SHISA6: variants seen among roughly 807,000 people sequenced by gnomAD.
SHISA6 encodes protein shisa-6.
A neutral mutation model predicts 47.9 loss-of-function variants in SHISA6; 22 were observed. The ratio of observed to expected loss-of-function variants is 0.46; its 90% CI spans 0.33 to 0.66. The LOEUF is 0.66. SHISA6 is among the 30% of genes least tolerant of loss of function. The probability of loss-of-function intolerance (pLI) is 0.02; values close to 1 mark genes in which losing one functional copy is unlikely to be tolerated. For synonymous variants in SHISA6, 388 were observed against 337.8 expected, an observed-to-expected ratio of 1.15 and a Z score of -1.63; for missense variants, 680 against 764.6, an observed-to-expected ratio of 0.89 and a Z score of 1.30.
At chr17:11,528,135 C>A (rs1440753196) in intron 3 of SHISA6, among the ~76,000 whole-genome samples, 1 of 152,040 alleles carries the variant, frequency 6.6e-6, no homozygotes, top group Admixed American at 6.6e-5. Context: ...TTTTTGGCTA[C>A]TCAATAGTAT....
chr17:11,523,230 A>G (rs2071645374), intron 3 of SHISA6, among the ~76,000 whole-genome samples: 1 of 152,204 alleles, frequency 6.6e-6, no homozygotes, highest in South Asian at 2.1e-4. Context: ...TCCTGCTCAA[A>G]AGAAATAAAA....
At chr17:11,331,112 ACT>A (rs1443729380) in intron 2 of SHISA6, among the ~76,000 whole-genome samples, 1 of 151,956 alleles carries the variant, frequency 6.6e-6, no homozygotes, top group East Asian at 1.9e-4. Flanking sequence ...CTGCGCAGTA[ACT>A]CTCCCAGGGT....
chr17:11,537,461 AATG>A (rs2071797184), intron 3 of SHISA6, among the ~76,000 whole-genome samples: 1 of 152,052 alleles, frequency 6.6e-6, no homozygotes, highest in African/African-American at 2.4e-5. Flanking sequence ...AATGAATTAG[AATG>A]ATAACTAATC....
intron 1 of SHISA6, among the ~76,000 whole-genome samples, chr17:11,244,598 T>C (rs975907617): frequency 2.6e-5 from 4 of 152,034 alleles, no homozygotes; most frequent in Non-Finnish European, 4.4e-5. Context: ...TTGTGTAGAC[T>C]GTCTTGTTGG....
At chr17:11,389,318 C>T (rs1215731756) in intron 3 of SHISA6, among the ~76,000 whole-genome samples, 1 of 152,138 alleles carries the variant, frequency 6.6e-6, no homozygotes, top group East Asian at 1.9e-4. Context: ...AGGAGGAGTG[C>T]CAGATAAACT....
intron 2 of SHISA6, among the ~76,000 whole-genome samples, chr17:11,360,330 C>T (rs907050775): frequency 1.2e-4 from 18 of 152,170 alleles, no homozygotes; most frequent in South Asian, 4.2e-4. Context: ...GAGGCTGAGG[C>T]GGGTGGATCA....
intron 3 of SHISA6, among the ~76,000 whole-genome samples, chr17:11,412,272 G>A (rs1873417586): frequency 6.6e-6 from 1 of 152,130 alleles, no homozygotes; most frequent in African/African-American, 2.4e-5. Context: ...TATAGTGAAA[G>A]TGAAGTACCT....
intron 2 of SHISA6, among the ~76,000 whole-genome samples, chr17:11,358,508 C>T (rs1042117192): frequency 6.6e-6 from 1 of 151,502 alleles, no homozygotes; most frequent in Non-Finnish European, 1.5e-5. Flanking sequence ...TACAGGCGCC[C>T]GCCACTATGC....
intron 3 of SHISA6, among the ~76,000 whole-genome samples, chr17:11,536,657 T>C (rs2071790825): frequency 6.6e-6 from 1 of 152,164 alleles, no homozygotes; most frequent in Admixed American, 6.5e-5. Flanking sequence ...GGAGCCCACC[T>C]GCAGGCCCGC....
intron 2 of SHISA6, among the ~76,000 whole-genome samples, chr17:11,362,830 G>A (rs1567584880): frequency 6.6e-6 from 1 of 152,146 alleles, no homozygotes; most frequent in Non-Finnish European, 1.5e-5. Context: ...TAAACCCAGA[G>A]ATTTATCACA....
intron 1 of SHISA6, among the ~76,000 whole-genome samples, chr17:11,245,760 GA>G: frequency 6.6e-6 from 1 of 150,568 alleles, no homozygotes; most frequent in African/African-American, 2.5e-5. Flanking sequence ...GGGGGGGGTG[GA>G]TATCTAGGTG....
chr17:11,438,856 A>G (rs984741527), intron 3 of SHISA6, among the ~76,000 whole-genome samples: 1 of 152,200 alleles, frequency 6.6e-6, no homozygotes, highest in Admixed American at 6.5e-5. Flanking sequence ...ATGATGCGGT[A>G]GGAGTTATGG....
At chr17:11,440,010 C>A (rs1915054789) in intron 3 of SHISA6, among the ~76,000 whole-genome samples, 2 of 152,176 alleles carry the variant, frequency 1.3e-5, no homozygotes, top group African/African-American at 4.8e-5. Context: ...AGGGTGCACC[C>A]CAAATAAACA....
chr17:11,399,102 G>A (rs559975123), intron 3 of SHISA6, among the ~76,000 whole-genome samples: 3 of 152,230 alleles, frequency 2.0e-5, no homozygotes, highest in Admixed American at 6.5e-5. Flanking sequence ...TAAAGACACA[G>A]CTAGGAATAA....
At chr17:11,273,559 A>G (rs981082429) in intron 2 of SHISA6, among the ~76,000 whole-genome samples, 3 of 152,208 alleles carry the variant, frequency 2.0e-5, no homozygotes, top group Non-Finnish European at 4.4e-5. Flanking sequence ...TGGCCTAGCA[A>G]CTTCCAAGGT....
chr17:11,247,923 C>T (rs1026789157), intron 1 of SHISA6, among the ~76,000 whole-genome samples: 21 of 151,938 alleles, frequency 1.4e-4, no homozygotes, highest in South Asian at 1.0e-3. Flanking sequence ...TACAGGCGCC[C>T]GCCACCACAC....
chr17:11,555,685 A>G, intron 4 of SHISA6, 55 bp from the exon 5 acceptor site: 1 of 1,457,752 alleles, frequency 6.9e-7, no homozygotes, highest in Non-Finnish European at 9.1e-7. Flanking sequence ...CAGAAAGCAC[A>G]CCTGCCACAG....
chr17:11,323,859 C>T (rs1449632338), intron 2 of SHISA6, among the ~76,000 whole-genome samples: 2 of 151,938 alleles, frequency 1.3e-5, no homozygotes, highest in East Asian at 3.9e-4. Context: ...CCTGAGCTTC[C>T]TTTGCTTTTG....
At chr17:11,399,312 C>T (rs1913683789) in intron 3 of SHISA6, among the ~76,000 whole-genome samples, 1 of 152,194 alleles carries the variant, frequency 6.6e-6, no homozygotes, top group Admixed American at 6.5e-5. Context: ...GTGAGAAACC[C>T]TAACCAGTAA....
Sources: allele counts gnomAD v4.1 joint callset (sites outside exome capture counted in the v4.1 genomes callset), GRCh38; gene constraint gnomAD v4.1.1; transcripts MANE v1.5; gene names NCBI Gene and HGNC (gene_info 2026-07-23, HGNC 2026-07-21).